Variants in RNF17 observed in about 807,000 individuals in gnomAD.
The protein encoded by RNF17 is spermatogenesis associated 23.
A neutral mutation model predicts 200.5 loss-of-function variants in RNF17; 31 were observed. The observed-to-expected ratio is 0.15, with a 90% CI of 0.12 to 0.21. The LOEUF (loss-of-function observed/expected upper bound fraction) is 0.21. RNF17 is among the 10% of genes least tolerant of loss of function. RNF17 has a pLI of 1.00. For synonymous variants in RNF17, 606 were observed against 637.8 expected (o/e 0.95, Z 0.75); for missense variants, 1,628 against 1,905.1 (o/e 0.85, Z 2.71).
At chr13:24,783,818 T>G (rs1050531778) in intron 6 of RNF17, among the ~76,000 whole-genome samples, 2 of 152,200 alleles carry the variant, frequency 1.3e-5, no homozygotes, top group African/African-American at 4.8e-5. Context: ...ATAAAATATT[T>G]TACTTCCTAC....
intron 18 of RNF17, among the ~76,000 whole-genome samples, chr13:24,840,033 T>C (rs1203483972): frequency 2.0e-5 from 3 of 149,158 alleles, no homozygotes; most frequent in African/African-American, 7.4e-5. Context: ...AACAAATCAG[T>C]AAGAAAAAAA....
At chr13:24,867,801 T>C (rs1893785862) in intron 30 of RNF17, among the ~76,000 whole-genome samples, 1 of 152,240 alleles carries the variant, frequency 6.6e-6, no homozygotes. Flanking sequence ...TTCCTTTGCT[T>C]TCATATGGCT....
Position 24,789,344 on chromosome 13 carries a change from C to A in RNF17, c.784-4C>A. 1.3e-6 allele frequency: 2 copies of A among 1,569,366 alleles called. No homozygotes were observed. The highest frequency in any genetic ancestry group is 2.3e-5 in the South Asian group (2 of 86,828). ...ACATGAATGATTTTTTTTTTAAATT[C>A]TAGATTATCCGGACTTTGCAGTTAA... On this transcript the variant is annotated splice_region_variant and splice_polypyrimidine_tract_variant and intron_variant, in intron 7 of 35. Transcript: ENST00000255324.
chr13:24,882,823 C>A (rs1055463580), downstream of RNF17: 13 of 298,770 alleles, frequency 4.4e-5, no homozygotes, highest in Admixed American at 4.2e-4. Context: ...CAGTGCTCTA[C>A]GGCTGATGTG....
At chr13:24,842,209 C>T (rs1890715863) in intron 19 of RNF17, 48 bp downstream of exon 19, 1 of 1,488,282 alleles carries the variant, frequency 6.7e-7, no homozygotes, top group Admixed American at 2.0e-5. Context: ...TCTTATGTAA[C>T]ATTGTAATCA....
chr13:24,764,895 GT>G (rs1566106166), intron 1 of RNF17, among the ~76,000 whole-genome samples: 7 of 36,942 alleles, frequency 1.9e-4, no homozygotes, highest in African/African-American at 6.0e-4. Context: ...TGGGGTGTGT[GT>G]GTGTGTGTGT....
At chr13:24,836,975 G>T (rs1890066526) in intron 18 of RNF17, among the ~76,000 whole-genome samples, 1 of 152,048 alleles carries the variant, frequency 6.6e-6, no homozygotes, top group Non-Finnish European at 1.5e-5. Context: ...CCTGCCTTCA[G>T]GAGACTCACA....
intron 6 of RNF17, among the ~76,000 whole-genome samples, chr13:24,784,671 G>C (rs1278469642): frequency 1.3e-5 from 2 of 151,986 alleles, no homozygotes; most frequent in Non-Finnish European, 2.9e-5. Flanking sequence ...AAAATTGATA[G>C]TAATGTACCC....
At chr13:24,872,118 G>A (rs565234337) in intron 32 of RNF17, among the ~76,000 whole-genome samples, 10 of 151,350 alleles carry the variant, frequency 6.6e-5, no homozygotes, top group African/African-American at 2.2e-4. Flanking sequence ...GCATCACCTC[G>A]CCTGTCTAAT....
intron 15 of RNF17, among the ~76,000 whole-genome samples, chr13:24,822,509 C>T (rs1038220838): frequency 6.6e-6 from 1 of 151,922 alleles, no homozygotes; most frequent in Non-Finnish European, 1.5e-5. Flanking sequence ...GCAACGTGCA[C>T]CTCCCAGGTT....
intron 25 of RNF17, among the ~76,000 whole-genome samples, chr13:24,854,914 A>G (rs138153825): frequency 5.3e-5 from 8 of 152,324 alleles, no homozygotes; most frequent in Non-Finnish European, 8.8e-5. Context: ...CAGCATCGCC[A>G]GAACCTAAGC....
chr13:24,867,157 T>C (rs1173326985), intron 30 of RNF17, among the ~76,000 whole-genome samples: 1 of 152,252 alleles, frequency 6.6e-6, no homozygotes, highest in Non-Finnish European at 1.5e-5. Context: ...TTATCAAATA[T>C]ATGATTGCAA....
Position 24,825,624 on chromosome 13 carries a change from G to C in RNF17, c.2097G>C (p.Glu699Asp), listed in dbSNP as rs780623282. 6.3e-7 allele frequency: 1 copy of C among 1,587,280 alleles called. No homozygotes were observed. The highest frequency in any genetic ancestry group is 8.6e-7 in the Non-Finnish European group (1 of 1,156,914). The stretch of plus-strand genomic sequence containing the variant: ...TTTATCCCTTTATTTACTAGATAGA[G>C]GGCCTGGATATTTTATTTCTATTAA... Reference protein sequence around the residue: ...SPGDFYLQLIEGLDILFLLKT... With the variant: ...SPGDFYLQLIDGLDILFLLKT... The change falls in exon 16 of 36, where the codon GAG (glutamate) becomes GAC (aspartate). Residue 699 changes from glutamate to aspartate, a missense_variant. Coordinates refer to ENST00000255324, the MANE Select transcript of RNF17 (RefSeq NM_031277.3).
intron 15 of RNF17, among the ~76,000 whole-genome samples, chr13:24,816,720 C>T (rs963994219): frequency 6.6e-6 from 1 of 152,200 alleles, no homozygotes. Flanking sequence ...TCCCAGTCAG[C>T]ACTCCTGGAG....
In RNF17 at chr13:24,764,231, C is replaced by T; in HGVS notation, c.28C>T (p.Pro10Ser). MAAEASKTG[P>S]SRSSYQRMGR... is the part of the protein sequence containing the mutation. ...GGCGGCAGAGGCTTCGAAGACTGGG[C>T]CTTCTAGGTCTTCCTACCAGCGAAT... The change falls in exon 1 of 36, where the codon CCT (proline) becomes TCT (serine). Residue 10 changes from proline to serine, a missense_variant. This residue lies in a region of RNF17 where 502 missense variants were observed against 501.7 expected (regional missense o/e 1.00). Transcript: ENST00000255324. 1 of 1,604,672 alleles carries T rather than the reference C, an allele frequency of 6.2e-7. No homozygotes were observed. Among genetic ancestry groups the T allele is most frequent in the East Asian group, 2.2e-5 (1 of 44,718 alleles).
intron 27 of RNF17, among the ~76,000 whole-genome samples, chr13:24,862,169 G>A (rs570615958): frequency 6.6e-6 from 1 of 152,112 alleles, no homozygotes; most frequent in African/African-American, 2.4e-5. Context: ...TTTGGGTGGG[G>A]ACACAGCCAA....
chr13:24,773,969 G>A (rs78253108), intron 2 of RNF17, among the ~76,000 whole-genome samples: 19 of 152,122 alleles, frequency 1.2e-4, no homozygotes, highest in African/African-American at 3.4e-4. Context: ...ATCAGAGACC[G>A]CAGGGCCTCA....
intron 28 of RNF17, among the ~76,000 whole-genome samples, chr13:24,864,021 A>C (rs1162771129): frequency 1.3e-5 from 2 of 152,234 alleles, no homozygotes; most frequent in Non-Finnish European, 2.9e-5. Flanking sequence ...GGTGGGAAAG[A>C]GAAAATAAAC....
chr13:24,884,825 G>T (rs1276177327), downstream of RNF17, among the ~76,000 whole-genome samples: 1 of 152,092 alleles, frequency 6.6e-6, no homozygotes, highest in African/African-American at 2.4e-5. Flanking sequence ...ACCAGATTAG[G>T]TATTCGAAAA....
Sources: allele counts gnomAD v4.1 joint callset (sites outside exome capture counted in the v4.1 genomes callset), GRCh38; gene constraint gnomAD v4.1.1; regional missense constraint gnomAD v4.1.1; transcripts MANE v1.5; gene names NCBI Gene and HGNC (gene_info 2026-07-23, HGNC 2026-07-21).